The following PRUNE2 variants were observed in gnomAD, a reference collection of about 807,000 sequenced individuals.
PRUNE2 encodes protein prune homolog 2.
In PRUNE2, 164 loss-of-function variants were observed where a neutral mutation model predicts 252.0. The observed-to-expected ratio is 0.65, with a 90% CI of 0.57 to 0.74. The LOEUF (loss-of-function observed/expected upper bound fraction) is 0.74. Among genes scored for constraint, PRUNE2 ranks in the 30% least tolerant of loss-of-function variants. The pLI is 0.00. For synonymous variants in PRUNE2, 1,292 were observed against 1,350.2 expected, an observed-to-expected ratio of 0.96 and a Z score of 0.94; for missense variants, 3,495 against 3,711.0, an observed-to-expected ratio of 0.94 and a Z score of 1.51.
chr9:76,619,350 T>G lies in PRUNE2; in HGVS notation c.9226A>C (p.Met3076Leu). Reference sequence around the variant, plus strand: ...ATGGTGAATTCTTACTCCTTCTCCATAGAAGACATTTCTGGATCATTGTAA... The same window carrying G: ...ATGGTGAATTCTTACTCCTTCTCCAGAGAAGACATTTCTGGATCATTGTAA... ...CLYNDPEMSS[M>L]EKDIDLKLKE... The change falls in exon 18 of 19, where the codon ATG becomes CTG. Residue 3076 changes from methionine (M) to leucine (L), a missense_variant. Transcript: ENST00000376718. The G allele has an allele frequency of 6.2e-7, 1 of 1,603,932 alleles. No homozygotes were observed. Among genetic ancestry groups the G allele is most frequent in the Non-Finnish European group, 8.5e-7 (1 of 1,173,176 alleles).
chr9:76,904,761 AT>A (rs772222660), intron 1 of PRUNE2, among the ~76,000 whole-genome samples: 1 of 152,212 alleles, frequency 6.6e-6, no homozygotes, highest in African/African-American at 2.4e-5. Context: ...ATAAGCACTT[AT>A]CAACTTTAAT....
chr9:76,794,798 T>C (rs2055926236), intron 6 of PRUNE2, among the ~76,000 whole-genome samples: 1 of 152,070 alleles, frequency 6.6e-6, no homozygotes, highest in Admixed American at 6.6e-5. Context: ...GGAATGCAAA[T>C]ACCAAGTAAC....
intron 1 of PRUNE2, among the ~76,000 whole-genome samples, chr9:76,879,182 T>C (rs2061619590): frequency 6.6e-6 from 1 of 152,226 alleles, no homozygotes; most frequent in Admixed American, 6.5e-5. Context: ...GTTAGTTCAC[T>C]GTAAATCTCC....
intron 17 of PRUNE2, among the ~76,000 whole-genome samples, chr9:76,619,864 A>G (rs941926106): frequency 3.3e-5 from 5 of 152,218 alleles, no homozygotes; most frequent in Non-Finnish European, 7.3e-5. Context: ...TGTTGTTGTT[A>G]CAGAAATAAC....
chr9:76,739,799 C>T (rs2049417708), intron 6 of PRUNE2: 1 of 152,160 alleles, frequency 6.6e-6, no homozygotes, highest in African/African-American at 2.4e-5. Flanking sequence ...AAAATGTTAA[C>T]TATCCACCAG....
At chr9:76,692,507 C>T in intron 9 of PRUNE2, 1 of 190,476 alleles carries the variant, frequency 5.3e-6, no homozygotes, top group Non-Finnish European at 1.1e-5. Context: ...ACCTATATGA[C>T]AGCAATGTAA....
intron 6 of PRUNE2, among the ~76,000 whole-genome samples, chr9:76,805,771 T>G (rs577038426): frequency 2.0e-5 from 3 of 152,290 alleles, no homozygotes; most frequent in Non-Finnish European, 4.4e-5. Context: ...ATGGTAACAA[T>G]TAATTGATTC....
intron 18 of PRUNE2, 40 bp downstream of exon 18, chr9:76,619,300 A>G (rs1241962022): frequency 7.2e-7 from 1 of 1,383,368 alleles, no homozygotes; most frequent in Non-Finnish European, 1.0e-6. Flanking sequence ...ATACAACACT[A>G]CAAGTAACCA....
At chr9:76,773,716 T>C (rs1204322176) in intron 6 of PRUNE2, among the ~76,000 whole-genome samples, 1 of 152,192 alleles carries the variant, frequency 6.6e-6, no homozygotes, top group African/African-American at 2.4e-5. Context: ...AGTGCTGGGA[T>C]TACAGGCGTG....
At chr9:76,723,697 T>C (rs1179034440) in intron 6 of PRUNE2, among the ~76,000 whole-genome samples, 2 of 152,162 alleles carry the variant, frequency 1.3e-5, no homozygotes. Context: ...ATGCCCTCTT[T>C]TGAGTTGAAG....
intron 9 of PRUNE2, among the ~76,000 whole-genome samples, chr9:76,687,852 C>T (rs1469936187): frequency 6.6e-6 from 1 of 152,150 alleles, no homozygotes. Context: ...GAGAGTCCTA[C>T]ACGAATTTCA....
chr9:76,797,588 T>C (rs750090691), intron 6 of PRUNE2, among the ~76,000 whole-genome samples: 3 of 152,216 alleles, frequency 2.0e-5, no homozygotes, highest in Non-Finnish European at 4.4e-5. Flanking sequence ...AGTTCTACCA[T>C]ACAGTTTATA....
At chr9:76,800,520 A>G (rs1376889273) in intron 6 of PRUNE2, among the ~76,000 whole-genome samples, 1 of 152,226 alleles carries the variant, frequency 6.6e-6, no homozygotes, top group Non-Finnish European at 1.5e-5. Context: ...TGAAATTTAA[A>G]AGATCCAGAT....
intron 12 of PRUNE2, among the ~76,000 whole-genome samples, chr9:76,643,733 G>A (rs530383897): frequency 7.9e-5 from 12 of 152,346 alleles, no homozygotes; most frequent in Admixed American, 5.2e-4. Context: ...TCCCTGGGTG[G>A]TCCTGATACT....
chr9:76,646,970 T>C (rs1413061635), intron 11 of PRUNE2, among the ~76,000 whole-genome samples: 2 of 152,146 alleles, frequency 1.3e-5, no homozygotes, highest in African/African-American at 4.8e-5. Context: ...GGTGGATCAC[T>C]TGAGCTCAGG....
intron 2 of PRUNE2, 82 bp downstream of exon 2, chr9:76,854,022 T>C (rs1743569461): frequency 1.5e-6 from 1 of 650,352 alleles, no homozygotes; most frequent in African/African-American, 1.8e-5. Flanking sequence ...GTTAATAGGT[T>C]CCTTTGTTTA....
At position 76,767,200 on chromosome 9, in the gene PRUNE2, C is replaced by T. The variant is rs1589107006; in HGVS notation, c.757-53479G>A. Among the ~76,000 whole-genome samples the T allele has an allele frequency of 3.3e-5, 5 of 152,244 alleles. No homozygotes were observed. The South Asian group carries it at 1.0e-3, about 32-fold the overall frequency. On this transcript the variant is annotated intron_variant, in intron 6 of 18. Coordinates refer to ENST00000376718, the MANE Select transcript of PRUNE2 (RefSeq NM_015225.3). ...GGCACTGTGGGTCACGCCTGTAATC[C>T]CAGCACTTTGGGAGGCCGAGGTGGG...
intron 1 of PRUNE2, among the ~76,000 whole-genome samples, chr9:76,879,080 T>C (rs1463037302): frequency 1.3e-5 from 2 of 152,210 alleles, no homozygotes; most frequent in African/African-American, 4.8e-5. Context: ...CCAAAGTGTG[T>C]TCCAGTGAGC....
intron 9 of PRUNE2, among the ~76,000 whole-genome samples, chr9:76,683,376 G>A (rs1365495068): frequency 3.3e-5 from 5 of 151,914 alleles, no homozygotes; most frequent in Admixed American, 2.6e-4. Flanking sequence ...AATGAGTGAA[G>A]GAAAAAAAAT....
Sources: allele counts gnomAD v4.1 joint callset (sites outside exome capture counted in the v4.1 genomes callset), GRCh38; gene constraint gnomAD v4.1.1; transcripts MANE v1.5; gene names NCBI Gene and HGNC (gene_info 2026-07-23, HGNC 2026-07-21).